Variants in LARGE1 observed in about 807,000 individuals in gnomAD.
LARGE1 encodes xylosyl- and glucuronyltransferase LARGE1.
Under a neutral mutation model 87.6 loss-of-function variants are expected in LARGE1, and 43 were observed. The ratio of observed to expected loss-of-function variants is 0.49; its 90% confidence interval spans 0.38 to 0.63. The LOEUF (loss-of-function observed/expected upper bound fraction) is 0.63, where lower values mean the gene tolerates loss of function less well. Ranked by LOEUF, LARGE1 falls within the 30% of genes least tolerant of loss-of-function variation. LARGE1 has a pLI of 0.00. For synonymous variants in LARGE1, 434 were observed against 394.6 expected, an observed-to-expected ratio of 1.10 and a Z score of -1.18; for missense variants, 802 against 1,000.2, an observed-to-expected ratio of 0.80 and a Z score of 2.67.
At chr22:33,239,384 G>T (rs1926397293) in intron 11 of LARGE1, among the ~76,000 whole-genome samples, 1 of 152,070 alleles carries the variant, frequency 6.6e-6, no homozygotes, top group Non-Finnish European at 1.5e-5. Flanking sequence ...TTTTGTTGTT[G>T]TTGTTTGAAA....
intron 2 of LARGE1, among the ~76,000 whole-genome samples, chr22:33,752,056 A>G (rs1017589007): frequency 6.6e-6 from 1 of 152,252 alleles, no homozygotes; most frequent in African/African-American, 2.4e-5. Flanking sequence ...TGCTGGGATT[A>G]CAGGCGTGAG....
the LARGE1 span, among the ~76,000 whole-genome samples, chr22:33,155,590 G>A: frequency 1.3e-5 from 2 of 152,198 alleles, no homozygotes; most frequent in Admixed American, 1.3e-4. Flanking sequence ...TGCTGTTAAA[G>A]GCATTCCGTT....
chr22:33,668,487 T>G (rs2081324811), intron 2 of LARGE1, among the ~76,000 whole-genome samples: 1 of 152,244 alleles, frequency 6.6e-6, no homozygotes, highest in Non-Finnish European at 1.5e-5. Flanking sequence ...TTATTTACCT[T>G]ATTATATCGG....
intron 4 of LARGE1, among the ~76,000 whole-genome samples, chr22:33,610,229 A>C (rs2079387403): frequency 6.6e-6 from 1 of 152,226 alleles, no homozygotes; most frequent in Non-Finnish European, 1.5e-5. Context: ...ACAGGGGCTA[A>C]GAGTTTGGAG....
intron 1 of LARGE1, among the ~76,000 whole-genome samples, chr22:33,804,960 C>T (rs1175668960): frequency 6.6e-6 from 1 of 152,186 alleles, no homozygotes; most frequent in Admixed American, 6.5e-5. Flanking sequence ...CCAATATATT[C>T]ACTTGGATAT....
intron 1 of LARGE1, among the ~76,000 whole-genome samples, chr22:33,918,463 G>C (rs1053062802): frequency 1.3e-5 from 2 of 152,206 alleles, no homozygotes; most frequent in Non-Finnish European, 2.9e-5. Context: ...AATTAACAGG[G>C]ACAGGCTCGA....
chr22:33,596,990 T>C (rs970976213), intron 5 of LARGE1, among the ~76,000 whole-genome samples: 1 of 152,222 alleles, frequency 6.6e-6, no homozygotes, highest in African/African-American at 2.4e-5. Context: ...TCATTTCTCA[T>C]GTTTCTGCAG....
At chr22:33,597,089 C>T (rs768510214) in intron 5 of LARGE1, among the ~76,000 whole-genome samples, 18 of 152,108 alleles carry the variant, frequency 1.2e-4, no homozygotes, top group Non-Finnish European at 2.2e-4. Context: ...GGAGCTGCTC[C>T]AGCCTTATGA....
intron 1 of LARGE1, among the ~76,000 whole-genome samples, chr22:33,802,079 G>T (rs2086179073): frequency 1.3e-5 from 2 of 150,968 alleles, no homozygotes; most frequent in Admixed American, 1.3e-4. Context: ...GCAAAGGAAT[G>T]ATTTGGTTGA....
intron 1 of LARGE1, among the ~76,000 whole-genome samples, chr22:33,842,414 A>G (rs1290058319): frequency 2.1e-5 from 3 of 141,808 alleles, no homozygotes; most frequent in African/African-American, 7.9e-5. Context: ...ATTTCTTCGG[A>G]TTTTTATATA....
the LARGE1 span, among the ~76,000 whole-genome samples, chr22:33,119,543 G>T: frequency 8.2e-4 from 125 of 152,086 alleles, 1 homozygote; most frequent in Middle Eastern, 3.4e-3. Flanking sequence ...TGGGCACAAA[G>T]TCCCCAGGCC....
intron 11 of LARGE1, among the ~76,000 whole-genome samples, chr22:33,266,652 A>G (rs1248405901): frequency 6.6e-6 from 1 of 151,728 alleles, no homozygotes; most frequent in Non-Finnish European, 1.5e-5. Context: ...TTTGTTCTCC[A>G]TGACTCTCCA....
intron 2 of LARGE1, among the ~76,000 whole-genome samples, chr22:33,758,564 C>G (rs922732014): frequency 6.6e-6 from 1 of 152,192 alleles, no homozygotes; most frequent in Non-Finnish European, 1.5e-5. Flanking sequence ...AGCACCTACA[C>G]CCAGTCTGTC....
At chr22:33,408,363 A>G (rs967663823) in intron 7 of LARGE1, among the ~76,000 whole-genome samples, 3 of 152,234 alleles carry the variant, frequency 2.0e-5, no homozygotes, top group South Asian at 4.1e-4. Context: ...ACAAAGATCA[A>G]TGATAAGGAT....
intron 4 of LARGE1, among the ~76,000 whole-genome samples, chr22:33,604,922 G>A (rs566523426): frequency 4.6e-5 from 7 of 151,834 alleles, no homozygotes; most frequent in Non-Finnish European, 8.8e-5. Context: ...CAGCCTTAAC[G>A]CAGAAACACA....
chr22:33,521,662 G>T (rs1378146468), intron 6 of LARGE1, among the ~76,000 whole-genome samples: 3 of 152,136 alleles, frequency 2.0e-5, no homozygotes, highest in African/African-American at 7.2e-5. Flanking sequence ...ATGTAGGCAG[G>T]GGAAAAACTT....
chr22:33,454,872 G>A (rs1453122228), intron 6 of LARGE1, among the ~76,000 whole-genome samples: 2 of 152,108 alleles, frequency 1.3e-5, no homozygotes, highest in African/African-American at 4.8e-5. Context: ...AACGGATGGT[G>A]CTAAACCATT....
At position 33,213,287 on chromosome 22, in the gene LARGE1, A is replaced by G. The variant is rs78909412; in HGVS notation, c.1731-46455T>C. 8.1e-3 allele frequency among the ~76,000 whole-genome samples: 1,230 copies of G among 152,344 alleles called. 7 individuals are homozygous for G. Among genetic ancestry groups the G allele is most frequent in the Middle Eastern group, 0.017 (5 of 294 alleles). On this transcript the variant is annotated intron_variant, in intron 11 of 11. Coordinates refer to the LARGE1 transcript ENST00000608642. ...CATTAGCAAAGAAAGTGGTTTCTTG[A>G]GATAAAATCTACCCATGGTGAAGCT...
intron 1 of LARGE1, among the ~76,000 whole-genome samples, chr22:33,770,272 A>C (rs1274591845): frequency 1.3e-5 from 2 of 152,252 alleles, no homozygotes; most frequent in Non-Finnish European, 2.9e-5. Flanking sequence ...ATACTAAAAT[A>C]ATGTCATGTT....
Sources: allele counts gnomAD v4.1 joint callset (sites outside exome capture counted in the v4.1 genomes callset), GRCh38; gene constraint gnomAD v4.1.1; transcripts MANE v1.5; gene names NCBI Gene and HGNC (gene_info 2026-07-23, HGNC 2026-07-21).